The following PRIM2 variants were observed in gnomAD, a reference collection of about 807,000 sequenced individuals.
PRIM2 encodes DNA primase large subunit.
In PRIM2, 39 loss-of-function variants were observed where a neutral mutation model predicts 67.3. That is an observed-to-expected ratio of 0.58 (90% CI 0.45 to 0.76). The LOEUF is 0.76. Ranked by LOEUF, PRIM2 falls within the 30% of genes least tolerant of loss-of-function variation. PRIM2 has a pLI of 0.00. For missense variants in PRIM2, 398 were observed against 598.7 expected (o/e 0.66, Z 3.50); for synonymous variants, 143 against 198.7 (o/e 0.72, Z 2.36).
chr6:57,338,896 GAA>G (rs1300443065), intron 5 of PRIM2, among the ~76,000 whole-genome samples: 3 of 151,898 alleles, frequency 2.0e-5, no homozygotes, highest in Non-Finnish European at 4.4e-5. Flanking sequence ...ATTCAATTAG[GAA>G]AAGAGGAAGT....
At chr6:57,453,151 G>C (rs201491627) in intron 7 of PRIM2, among the ~76,000 whole-genome samples, 1 of 152,276 alleles carries the variant, frequency 6.6e-6, no homozygotes, top group African/African-American at 2.4e-5. Flanking sequence ...CTATATCTCT[G>C]TTTTGATACA....
chr6:57,490,964 A>G (rs1204968541), intron 7 of PRIM2, among the ~76,000 whole-genome samples: 1 of 152,224 alleles, frequency 6.6e-6, no homozygotes, highest in Non-Finnish European at 1.5e-5. Flanking sequence ...TAATAGTGCT[A>G]GCTTTCAAAT....
chr6:57,527,372 A>T (rs1229398533), intron 8 of PRIM2, among the ~76,000 whole-genome samples: 4 of 152,164 alleles, frequency 2.6e-5, no homozygotes, highest in African/African-American at 9.7e-5. Context: ...CTAGAAACTG[A>T]TTTGTTATTC....
At chr6:57,239,725 G>C in the PRIM2 span, among the ~76,000 whole-genome samples, 1 of 152,090 alleles carries the variant, frequency 6.6e-6, no homozygotes, top group Admixed American at 6.5e-5. Flanking sequence ...CAGCCTGAGC[G>C]ACAGAGCAAA....
chr6:57,366,727 A>C (rs1400551999), intron 5 of PRIM2, among the ~76,000 whole-genome samples: 1 of 152,122 alleles, frequency 6.6e-6, no homozygotes, highest in Non-Finnish European at 1.5e-5. Context: ...TTCCTGGACA[A>C]ACTGGGATGG....
At chr6:57,256,714 T>TCA in the PRIM2 span, among the ~76,000 whole-genome samples, 4,643 of 134,360 alleles carry the variant, frequency 0.035, 78 homozygotes, top group Middle Eastern at 0.054. Flanking sequence ...TCTCTCACTT[T>TCA]CACACACACA....
chr6:57,470,134 T>C (rs1164465617), intron 7 of PRIM2, among the ~76,000 whole-genome samples: 2 of 152,152 alleles, frequency 1.3e-5, no homozygotes, highest in African/African-American at 2.4e-5. Flanking sequence ...AAAACAATAA[T>C]GTAAGTAGAT....
At chr6:57,400,051 T>C (rs1245832844) in intron 7 of PRIM2, among the ~76,000 whole-genome samples, 1 of 152,286 alleles carries the variant, frequency 6.6e-6, no homozygotes, top group East Asian at 1.9e-4. Context: ...CTTGCTTTTT[T>C]ATCCAGCTTG....
intron 7 of PRIM2, among the ~76,000 whole-genome samples, chr6:57,428,720 A>G (rs1359276397): frequency 1.3e-5 from 2 of 152,266 alleles, no homozygotes; most frequent in Non-Finnish European, 2.9e-5. Flanking sequence ...AGCTATAAAG[A>G]GATATTTAAA....
chr6:57,354,986 A>T (rs1227215189), intron 5 of PRIM2, among the ~76,000 whole-genome samples: 5 of 152,256 alleles, frequency 3.3e-5, no homozygotes, highest in Non-Finnish European at 7.3e-5. Context: ...GTCCATGTGC[A>T]TTCACACCAT....
intron 7 of PRIM2, among the ~76,000 whole-genome samples, chr6:57,447,607 G>C (rs959332940): frequency 5.9e-5 from 9 of 152,156 alleles, no homozygotes; most frequent in Non-Finnish European, 1.3e-4. Context: ...AATCTATTAG[G>C]AGCATAGAAA....
In PRIM2 at chr6:57,585,201, T is replaced by C. The variant is rs1247055079; in HGVS notation, c.1021-15892T>C. ...CAAAATATAAGTAATTTAAGTGATA[T>C]TAAACAACACACCGGGTTTGACCTA... is the stretch of plus-strand genomic sequence containing the variant. On this transcript the variant is annotated intron_variant, in intron 10 of 13. Coordinates refer to ENST00000615550, the MANE Select transcript of PRIM2 (RefSeq NM_000947.5). Among the ~76,000 whole-genome samples the C allele has an allele frequency of 7.9e-5, 12 of 152,332 alleles. No individual in the cohort carries two copies. The East Asian group carries it at 1.3e-3, about 17-fold the overall frequency.
At chr6:57,523,460 G>T (rs1415262732) in intron 8 of PRIM2, among the ~76,000 whole-genome samples, 8 of 152,228 alleles carry the variant, frequency 5.3e-5, no homozygotes, top group African/African-American at 1.9e-4. Flanking sequence ...ATGAAGAGAA[G>T]TTGCAGCCAA....
rs1554346977 is a variant in PRIM2, at chr6:57,502,640, A to G, written c.694-4747A>G. 4.7e-4 allele frequency among the ~76,000 whole-genome samples: 71 copies of G among 152,114 alleles called. No homozygotes were observed. In the South Asian group the frequency reaches 7.9e-3, roughly 17 times the overall value. On this transcript the variant is annotated intron_variant, in intron 7 of 13. Transcript: ENST00000615550. ...GCTACCCTGTTCAGCATAAATTCCT[A>G]TTTCCTTTGCTCCTCCCTCGAAGTG...
At chr6:57,382,993 A>G (rs1770014653) in intron 7 of PRIM2, 1 of 152,048 alleles carries the variant, frequency 6.6e-6, no homozygotes, top group Non-Finnish European at 1.5e-5. Context: ...AGCACTTGGG[A>G]AGACTAAAAT....
intron 10 of PRIM2, among the ~76,000 whole-genome samples, chr6:57,537,835 T>C (rs1368562601): frequency 2.6e-5 from 4 of 152,196 alleles, no homozygotes; most frequent in African/African-American, 9.7e-5. Flanking sequence ...CATTTGTAGG[T>C]ATACTGCCAG....
intron 5 of PRIM2, among the ~76,000 whole-genome samples, chr6:57,349,067 A>G (rs1562706895): frequency 2.0e-5 from 3 of 151,966 alleles, no homozygotes; most frequent in East Asian, 1.9e-4. Context: ...TTTTATATTC[A>G]TGTGAACAAC....
chr6:57,635,564 A>T (rs1334583670), intron 13 of PRIM2, among the ~76,000 whole-genome samples: 3 of 152,208 alleles, frequency 2.0e-5, no homozygotes, highest in Non-Finnish European at 4.4e-5. Context: ...ACCTCTTTGG[A>T]CACTGAGTAA....
intron 10 of PRIM2, among the ~76,000 whole-genome samples, chr6:57,547,642 G>A (rs1466456715): frequency 7.2e-5 from 11 of 152,154 alleles, no homozygotes; most frequent in Non-Finnish European, 1.2e-4. Flanking sequence ...TCATAGTGTT[G>A]TTATTCTGAA....
Sources: gnomAD v4.1 joint callset for allele counts (sites outside exome capture counted in the v4.1 genomes callset) on GRCh38, gnomAD v4.1.1 for gene constraint, MANE v1.5 for transcripts, NCBI Gene and HGNC (gene_info 2026-07-23, HGNC 2026-07-21) for gene names.